The following CCDC88A variants were observed in gnomAD, a reference collection of about 807,000 sequenced individuals.
The protein encoded by CCDC88A is coiled-coil and HOOK domain protein 88A, also known as girdin.
Under a neutral mutation model 234.3 loss-of-function variants are expected in CCDC88A, and 54 were observed. The observed-to-expected ratio is 0.23, with a 90% CI of 0.19 to 0.29. CCDC88A has a LOEUF of 0.29. Ranked by LOEUF, CCDC88A falls within the 10% of genes least tolerant of loss-of-function variation. CCDC88A has a pLI of 1.00. For synonymous variants in CCDC88A, 753 were observed against 737.8 expected, an observed-to-expected ratio of 1.02 and a Z score of -0.33; for missense variants, 1,832 against 2,123.4, an observed-to-expected ratio of 0.86 and a Z score of 2.70.
intron 3 of CCDC88A, among the ~76,000 whole-genome samples, chr2:55,379,189 G>C (rs933920711): frequency 2.6e-5 from 4 of 152,016 alleles, no homozygotes; most frequent in Non-Finnish European, 5.9e-5. Context: ...TATCATCATA[G>C]ACTCCCCAGA....
chr2:55,318,021 C>T (rs1437387), intron 19 of CCDC88A, among the ~76,000 whole-genome samples, 180 bp from the exon 20 acceptor site: 23,568 of 151,784 alleles, frequency 0.16, 5,027 homozygotes, highest in African/African-American at 0.48. Context: ...TTAATTTTGA[C>T]TTTTGGAAGT....
intron 31 of CCDC88A, chr2:55,293,528 A>G (rs115443718): frequency 0.033 from 4,983 of 152,094 alleles, 120 homozygotes; most frequent in Non-Finnish European, 0.049. Flanking sequence ...TATCGGAAAA[A>G]AAGTGTGATT....
Position 55,402,802 on chromosome 2 carries a change from G to C in CCDC88A, c.165-13916C>G, listed in dbSNP as rs199556474. 2.0e-4 allele frequency among the ~76,000 whole-genome samples: 31 copies of C among 151,764 alleles called. No homozygotes were observed. The East Asian group carries it at 5.6e-3, about 27-fold the overall frequency. On this transcript the variant is annotated intron_variant, in intron 2 of 32. Coordinates refer to ENST00000436346, the MANE Select transcript of CCDC88A (RefSeq NM_001365480.1). ...AGGCAGGCGGATCACAAGGTCAAGAGATCGAGACCATCCTGGCTAATATGG... is the reference window on the plus strand; with the variant it reads ...AGGCAGGCGGATCACAAGGTCAAGACATCGAGACCATCCTGGCTAATATGG...
intron 2 of CCDC88A, chr2:55,416,790 A>T (rs1305622449): frequency 6.6e-6 from 1 of 151,916 alleles, no homozygotes; most frequent in Non-Finnish European, 1.5e-5. Flanking sequence ...ATGACTTCAA[A>T]ATTAGCAAAA....
intron 4 of CCDC88A, among the ~76,000 whole-genome samples, chr2:55,373,051 T>A (rs1317633949): frequency 3.9e-5 from 6 of 152,192 alleles, no homozygotes; most frequent in African/African-American, 1.4e-4. Context: ...ATATAACAAG[T>A]CAGGTAAAAG....
rs1199723311 is a variant in CCDC88A at position 55,308,907 on chromosome 2, C to T, written c.4289G>A (p.Gly1430Glu). The change falls in exon 25 of 33, where the codon GGA becomes GAA. Residue 1430 changes from glycine to glutamate, a missense_variant. Gly to Glu is a moderately conservative substitution (Grantham distance 98). Coordinates refer to ENST00000436346, the MANE Select transcript of CCDC88A (RefSeq NM_001365480.1). ...GTCTTGATGAGGGAGCTGAAGAAAT[C>T]CTTCACTGGAGTCTGAGCGGGTGGG... ...LTPTRSDSSE[G>E]FLQLPHQDSQ... 6.2e-7 allele frequency: 1 copy of T among 1,613,896 alleles called. No homozygotes were observed. Among genetic ancestry groups the T allele is most frequent in the African/African-American group, 1.3e-5 (1 of 74,922 alleles).
chr2:55,297,350 T>C (rs1423337014), intron 29 of CCDC88A, among the ~76,000 whole-genome samples: 3 of 104,388 alleles, frequency 2.9e-5, no homozygotes, highest in African/African-American at 1.4e-4. Flanking sequence ...TTATATATTA[T>C]ATATAAATAT....
At chr2:55,296,702 A>C (rs2104552298) in intron 29 of CCDC88A, 179 bp from the exon 30 acceptor site, 1 of 628,674 alleles carries the variant, frequency 1.6e-6, no homozygotes, top group South Asian at 2.1e-5. Context: ...ATTGTCTGCC[A>C]TAGCCTGCTT....
At chr2:55,316,210 A>G in intron 21 of CCDC88A, 96 bp from the exon 22 acceptor site, 2 of 467,698 alleles carry the variant, frequency 4.3e-6, no homozygotes. Context: ...ATTAAGGCAT[A>G]CTTAGAATAA....
chr2:55,386,435 T>TTA (rs142893959), intron 3 of CCDC88A, among the ~76,000 whole-genome samples: 2 of 150,590 alleles, frequency 1.3e-5, no homozygotes, highest in Admixed American at 1.3e-4. Flanking sequence ...CTCTGTCTCT[T>TTA]TTTTATTTTA....
intron 6 of CCDC88A, chr2:55,363,611 CCTCA>C (rs891402877): frequency 2.3e-5 from 4 of 176,038 alleles, no homozygotes; most frequent in African/African-American, 9.4e-5. Context: ...TGTCATCTTA[CCTCA>C]CTATCGTTTT....
rs376377954 is a variant in CCDC88A at position 55,338,280 on chromosome 2, T to A, written c.1518+1184A>T. ...TATTAAGATTATTTAGTTAATGGAC[T>A]GAAGACAATGTAAAAACATTTTTAA... On this transcript the variant is annotated intron_variant, in intron 13 of 32. Transcript: ENST00000436346. 4.6e-5 allele frequency among the ~76,000 whole-genome samples: 7 copies of A among 152,302 alleles called. No homozygotes were observed. In the East Asian group the frequency reaches 1.2e-3, roughly 25 times the overall value.
chr2:55,340,777 A>G (rs937861385), intron 12 of CCDC88A, among the ~76,000 whole-genome samples: 6 of 152,184 alleles, frequency 3.9e-5, no homozygotes, highest in African/African-American at 9.6e-5. Flanking sequence ...ATTCTGTTGT[A>G]TGATATCTAT....
chr2:55,336,665 TAA>T lies in CCDC88A; in HGVS notation c.1656+14_1656+15del, dbSNP rs1685496126. 4 of 1,499,004 alleles carry T rather than the reference TAA, an allele frequency of 2.7e-6. No individual in the cohort carries two copies. In the East Asian group the frequency reaches 9.7e-5, roughly 36 times the overall value. The allele number at this position is 1,499,004 out of a possible 1,614,324, so 92.9% of individuals were successfully genotyped here. A position where few individuals can be genotyped will look rare whatever the true frequency, so the allele number is the denominator to read the frequency against. ...ATTTTAAAATACATTGTTTACTTAG[TAA>T]AAAATGTATGAACCTGTCTCTCTGA... On this transcript the variant is annotated intron_variant, in intron 14 of 32. Coordinates refer to ENST00000436346, the MANE Select transcript of CCDC88A (RefSeq NM_001365480.1).
rs776901203 is a variant in CCDC88A at position 55,296,322 on chromosome 2, G to T, written c.5027C>A (p.Pro1676His). The change falls in exon 30 of 33, where the codon CCT (proline) becomes CAT (histidine). Residue 1676 changes from proline to histidine, a missense_variant. Around this residue, in one of 6 missense-constraint regions of CCDC88A, gnomAD observed 422 missense variants for 416.5 expected, o/e 1.01. Coordinates refer to ENST00000436346, the MANE Select transcript of CCDC88A (RefSeq NM_001365480.1). ...TTGTAGAGTAACAACTTCACTTCCA[G>T]GGGAACCAGTTTTGATCTTGTGATG... ...SRHHKIKTGSPGSEVVTLQQF... is the reference protein window; with the variant it reads ...SRHHKIKTGSHGSEVVTLQQF... 1 of 1,614,142 alleles carries T rather than the reference G, an allele frequency of 6.2e-7. No individual in the cohort carries two copies. Among genetic ancestry groups the T allele is most frequent in the Admixed American group, 1.7e-5 (1 of 60,032 alleles).
rs1679380064 is a variant in CCDC88A at position 55,290,585 on chromosome 2, C to T, written c.*615G>A. On this transcript the variant is annotated 3_prime_UTR_variant, in exon 33 of 33. Transcript: ENST00000436346. ...TTCATTATGGATTTTTCAGATTTAT[C>T]TTATAAACTGAATTTCTTTTGCATC... The T allele has an allele frequency of 6.6e-6, 1 of 151,964 alleles. No homozygotes were observed. The highest frequency in any genetic ancestry group is 1.5e-5 in the Non-Finnish European group (1 of 67,874). 9.4% of individuals were successfully genotyped at this position (151,964 alleles called of 1,614,324 possible). A position where few individuals can be genotyped will look rare whatever the true frequency, so the allele number is the denominator to read the frequency against.
In CCDC88A at chr2:55,390,053, A is replaced by AAAAAAAAAAAAAAAAAAAAAAAAAAAAG. The variant is rs377022377; in HGVS notation, c.165-1168_165-1167insCTTTTTTTTTTTTTTTTTTTTTTTTTTT. On this transcript the variant is annotated intron_variant, in intron 2 of 32. Transcript: ENST00000436346. ...GAGACTCAAAAAAAAAAAAAAATAA[A>AAAAAAAAAAAAAAAAAAAAAAAAAAAAG]AAATAAAGATAGAACATTTCAAAGT... 5.1e-4 allele frequency among the ~76,000 whole-genome samples: 41 copies of AAAAAAAAAAAAAAAAAAAAAAAAAAAAG among 79,756 alleles called. 7 individuals are homozygous for AAAAAAAAAAAAAAAAAAAAAAAAAAAAG. The highest frequency in any genetic ancestry group is 2.2e-3 in the East Asian group (4 of 1,848). 52.3% of individuals were successfully genotyped at this position (79,756 alleles called of 152,430 possible).
At chr2:55,329,424 T>C (rs1178138487) in intron 16 of CCDC88A, 2 of 152,210 alleles carry the variant, frequency 1.3e-5, no homozygotes, top group Non-Finnish European at 2.9e-5. Context: ...TCAATCAGAT[T>C]TTAATGTCAT....
intron 12 of CCDC88A, 71 bp downstream of exon 12, chr2:55,343,577 A>C (rs1668755019): frequency 8.3e-6 from 10 of 1,201,998 alleles, no homozygotes; most frequent in Middle Eastern, 2.5e-4. Context: ...CGGAAAATAA[A>C]GAACTGCAAG....
Sources: gnomAD v4.1 joint callset for allele counts (sites outside exome capture counted in the v4.1 genomes callset) on GRCh38, gnomAD v4.1.1 for gene constraint, gnomAD v4.1.1 regional missense constraint, MANE v1.5 for transcripts, NCBI Gene and HGNC (gene_info 2026-07-23, HGNC 2026-07-21) for gene names.